Variants in ITIH5 observed in about 807,000 individuals in gnomAD.
ITIH5 encodes inter-alpha-trypsin inhibitor heavy chain H5.
ITIH5 carries 65 observed loss-of-function variants against 77.5 expected under a neutral mutation model. The ratio of observed to expected loss-of-function variants is 0.84; its 90% CI spans 0.69 to 1.03. The LOEUF is 1.03. ITIH5 is among the 50% of genes least tolerant of loss of function. The pLI is 0.00. For synonymous variants in ITIH5, 525 were observed against 494.3 expected (o/e 1.06, Z -0.82); for missense variants, 1,208 against 1,213.1 (o/e 1.00, Z 0.06).
chr10:7,653,299 T>C (rs1037507760), intron 2 of ITIH5, among the ~76,000 whole-genome samples: 3 of 152,122 alleles, frequency 2.0e-5, no homozygotes, highest in Non-Finnish European at 2.9e-5. Context: ...CTATGCCTCC[T>C]GGGTTCAAGC....
At chr10:7,625,563 G>A (rs889848201) in intron 5 of ITIH5, among the ~76,000 whole-genome samples, 3 of 152,052 alleles carry the variant, frequency 2.0e-5, no homozygotes, top group Admixed American at 6.5e-5. Context: ...TCAGGAGTTC[G>A]AGATCGGCCT....
At chr10:7,566,545 CAG>C in intron 12 of ITIH5, 138 bp from the exon 13 acceptor site, 2 of 702,144 alleles carry the variant, frequency 2.8e-6, no homozygotes, top group East Asian at 2.6e-5. Flanking sequence ...CTGGGCAACA[CAG>C]AGACCCCATC....
intron 7 of ITIH5, among the ~76,000 whole-genome samples, chr10:7,611,104 C>A (rs547342789): frequency 4.7e-4 from 71 of 152,316 alleles, no homozygotes; most frequent in African/African-American, 1.7e-3. Context: ...GCCTTCTTGC[C>A]GCAACCACAC....
At chr10:7,567,282 T>C (rs548014534) in intron 12 of ITIH5, among the ~76,000 whole-genome samples, 1 of 151,656 alleles carries the variant, frequency 6.6e-6, no homozygotes, top group South Asian at 2.1e-4. Context: ...ACATATTTTG[T>C]ACCTACCAGA....
chr10:7,569,609 G>T lies in ITIH5; in HGVS notation c.2149+59C>A, dbSNP rs1832256147. The T allele has an allele frequency of 3.8e-6, 4 of 1,052,706 alleles. No individual in the cohort carries two copies. The Admixed American group carries it at 6.9e-5, about 18-fold the overall frequency. The allele number at this position is 1,052,706 out of a possible 1,614,324, so 65.2% of individuals were successfully genotyped here. A position where few individuals can be genotyped will look rare whatever the true frequency, so the allele number is the denominator to read the frequency against. ...ACTGGACATCCATCTGAAGAACAGA[G>T]GGGGATGCAGTACCTACCTGGTCCT... On this transcript the variant is annotated intron_variant, in intron 12 of 13. Coordinates refer to ENST00000397146, the MANE Select transcript of ITIH5 (RefSeq NM_030569.7).
intron 5 of ITIH5, chr10:7,618,394 G>A (rs1014414155): frequency 7.2e-5 from 11 of 152,158 alleles, no homozygotes; most frequent in African/African-American, 2.7e-4. Flanking sequence ...CTAGTGTGAT[G>A]ACAGATTAAG....
At chr10:7,611,367 G>T (rs1588397710) in intron 7 of ITIH5, among the ~76,000 whole-genome samples, 1 of 152,232 alleles carries the variant, frequency 6.6e-6, no homozygotes, top group Non-Finnish European at 1.5e-5. Context: ...TATGATTAAA[G>T]GTACATTTAG....
chr10:7,619,634 A>C (rs1833437971), intron 5 of ITIH5: 1 of 373,924 alleles, frequency 2.7e-6, no homozygotes, highest in African/African-American at 2.1e-5. Context: ...CAGAAGGCAA[A>C]CGCAAAGCGA....
chr10:7,585,856 T>G, intron 8 of ITIH5, 45 bp downstream of exon 8: 1 of 1,320,810 alleles, frequency 7.6e-7, no homozygotes, highest in Non-Finnish European at 1.0e-6. Flanking sequence ...AAAAAAAACA[T>G]TATTTCAAAG....
intron 7 of ITIH5, among the ~76,000 whole-genome samples, chr10:7,594,103 G>T (rs1022155454): frequency 2.0e-5 from 3 of 152,248 alleles, no homozygotes; most frequent in African/African-American, 7.2e-5. Flanking sequence ...AACAGGGTAA[G>T]CACATTCCAG....
Position 7,559,538 on chromosome 10 carries a change from T to G in ITIH5, c.*3545A>C, listed in dbSNP as rs1832001136. ...GGATCATGTCCTACAGTTCCAAGAG[T>G]CCTTTAAATTTTAATAACAGCATTG... On this transcript the variant is annotated 3_prime_UTR_variant, in exon 14 of 14. Coordinates refer to ENST00000397146, the MANE Select transcript of ITIH5 (RefSeq NM_030569.7). 1.5e-5 allele frequency: 3 copies of G among 196,830 alleles called. No individual in the cohort carries two copies. Among genetic ancestry groups the G allele is most frequent in the Admixed American group, 5.8e-5 (1 of 17,382 alleles). The allele number at this position is 196,830 out of a possible 1,614,324, so 12.2% of individuals were successfully genotyped here.
intron 1 of ITIH5, among the ~76,000 whole-genome samples, chr10:7,665,694 C>G (rs1834350557): frequency 1.3e-5 from 2 of 152,228 alleles, no homozygotes; most frequent in Non-Finnish European, 2.9e-5. Flanking sequence ...GCCGCATTCC[C>G]TGCCCTGACC....
At chr10:7,614,554 A>G (rs969536488) in intron 7 of ITIH5, among the ~76,000 whole-genome samples, 14 of 152,096 alleles carry the variant, frequency 9.2e-5, no homozygotes, top group Non-Finnish European at 2.9e-5. Context: ...TTCTTCTTCT[A>G]CCAGTGTGGC....
intron 9 of ITIH5, chr10:7,578,505 G>C (rs1297792435): frequency 1.3e-5 from 2 of 158,854 alleles, no homozygotes; most frequent in African/African-American, 4.8e-5. Flanking sequence ...TTTGACTCTA[G>C]TTTTGAATAA....
intron 13 of ITIH5, among the ~76,000 whole-genome samples, chr10:7,564,419 T>C (rs1832099625): frequency 6.6e-6 from 1 of 152,214 alleles, no homozygotes; most frequent in Non-Finnish European, 1.5e-5. Flanking sequence ...GAAAATATGA[T>C]GGTGGTCCCA....
chr10:7,573,067 T>C, intron 11 of ITIH5, 75 bp downstream of exon 11: 1 of 1,400,904 alleles, frequency 7.1e-7, no homozygotes, highest in South Asian at 1.2e-5. Context: ...CGTGAGCCAG[T>C]ACACCTGGCC....
chr10:7,610,060 T>A (rs993578313), intron 7 of ITIH5, among the ~76,000 whole-genome samples: 1 of 129,732 alleles, frequency 7.7e-6, no homozygotes, highest in Non-Finnish European at 1.5e-5. Flanking sequence ...TTTCTTTTTT[T>A]TCTTTTTTCT....
intron 5 of ITIH5, chr10:7,622,410 T>C (rs2131045198): frequency 6.6e-6 from 1 of 152,298 alleles, no homozygotes; most frequent in South Asian, 2.1e-4. Context: ...TGAGATCTCA[T>C]ATGTAAGGTA....
chr10:7,644,400 TATATCACATATATCATATATATCAC>T (rs1833941528), intron 2 of ITIH5, among the ~76,000 whole-genome samples: 1 of 146,162 alleles, frequency 6.8e-6, no homozygotes, highest in East Asian at 2.0e-4. Context: ...ATATATCACA[TATATCACATATATCATATATATCAC>T]ATATATCATA....
Sources: gnomAD v4.1 joint callset for allele counts (sites outside exome capture counted in the v4.1 genomes callset) on GRCh38, gnomAD v4.1.1 for gene constraint, MANE v1.5 for transcripts, NCBI Gene and HGNC (gene_info 2026-07-23, HGNC 2026-07-21) for gene names.